SYNGR1: variants seen among roughly 807,000 people sequenced by gnomAD.
SYNGR1 encodes synaptogyrin-1.
In SYNGR1, 14 loss-of-function variants were observed where a neutral mutation model predicts 26.1. That is an observed-to-expected ratio of 0.54 (90% CI 0.35 to 0.84). The LOEUF is 0.84. Among genes scored for constraint, SYNGR1 ranks in the 40% least tolerant of loss-of-function variants. SYNGR1 has a pLI of 0.01. For missense variants in SYNGR1, 319 were observed against 332.9 expected, an observed-to-expected ratio of 0.96 and a Z score of 0.33; for synonymous variants, 141 against 150.1, an observed-to-expected ratio of 0.94 and a Z score of 0.44.
At chr22:39,351,682 T>C (rs1307744443) in intron 1 of SYNGR1, among the ~76,000 whole-genome samples, 2 of 152,230 alleles carry the variant, frequency 1.3e-5, no homozygotes, top group Non-Finnish European at 2.9e-5. Context: ...GCTTGGGTCA[T>C]TTCTGCCTCT....
chr22:39,378,394 T>C, intron 3 of SYNGR1: 1 of 983,128 alleles, frequency 1.0e-6, no homozygotes, highest in Non-Finnish European at 1.2e-6. Flanking sequence ...CATTCATTCA[T>C]TCATTCTTCT....
At chr22:39,377,727 AC>A in intron 3 of SYNGR1, 11 of 1,606,282 alleles carry the variant, frequency 6.8e-6, no homozygotes, top group Non-Finnish European at 9.3e-6. Context: ...GCCCTGTATC[AC>A]CCCTGGCAGT....
At chr22:39,356,266 G>A (rs1267113355) in intron 1 of SYNGR1, among the ~76,000 whole-genome samples, 2 of 152,060 alleles carry the variant, frequency 1.3e-5, no homozygotes, top group Admixed American at 1.3e-4. Flanking sequence ...TGTTGGCCAG[G>A]CTGGTCTCAA....
chr22:39,384,424 C>T lies in SYNGR1; in HGVS notation c.*2510C>T, dbSNP rs1022781924. On this transcript the variant is annotated 3_prime_UTR_variant, in exon 4 of 4. Coordinates refer to ENST00000328933, the MANE Select transcript of SYNGR1 (RefSeq NM_004711.5). ...CTCACGAAGAATCCCTCACTCTTCC[C>T]GGGTTCAGCCCAGAAGCCCTTCCAG... is the stretch of plus-strand genomic sequence containing the variant. 4.5e-5 allele frequency: 18 copies of T among 397,868 alleles called. No homozygotes were observed. The highest frequency in any genetic ancestry group is 3.2e-4 in the East Asian group (9 of 28,216). 24.6% of individuals were successfully genotyped at this position (397,868 alleles called of 1,614,324 possible).
intron 3 of SYNGR1, chr22:39,378,418 G>C: frequency 5.1e-6 from 5 of 983,552 alleles, no homozygotes; most frequent in Non-Finnish European, 6.0e-6. Flanking sequence ...CAGAGAGTCA[G>C]GGGCACCTCC....
At chr22:39,352,580 T>A (rs1227361292) in intron 1 of SYNGR1, among the ~76,000 whole-genome samples, 1 of 152,138 alleles carries the variant, frequency 6.6e-6, no homozygotes, top group Non-Finnish European at 1.5e-5. Flanking sequence ...CGAAACTGTG[T>A]GGCGTGCTGA....
intron 1 of SYNGR1, among the ~76,000 whole-genome samples, chr22:39,367,645 C>G (rs1227493249): frequency 6.6e-6 from 1 of 151,994 alleles, no homozygotes; most frequent in African/African-American, 2.4e-5. Flanking sequence ...CAACATGGCA[C>G]AACCCCGTCT....
In SYNGR1 at chr22:39,360,371, C is replaced by T. The variant is rs1020368454; in HGVS notation, c.99+10262C>T. ...CCTTCAGAAGAGTTGTCACCGTCTC[C>T]AGGGTTTCTTCTGCGGTCTCCCACA... On this transcript the variant is annotated intron_variant, in intron 1 of 3. Coordinates refer to ENST00000328933, the MANE Select transcript of SYNGR1 (RefSeq NM_004711.5). Among the ~76,000 whole-genome samples, 3 of 152,148 alleles carry T rather than the reference C, an allele frequency of 2.0e-5. No individual in the cohort carries two copies. In the East Asian group the frequency reaches 5.8e-4, roughly 29 times the overall value.
intron 1 of SYNGR1, among the ~76,000 whole-genome samples, chr22:39,362,793 C>T (rs574568848): frequency 1.9e-4 from 29 of 152,166 alleles, no homozygotes; most frequent in Admixed American, 7.9e-4. Context: ...CAGCCAAGGA[C>T]GCTCAGGAGG....
chr22:39,359,752 C>G (rs936298479), intron 1 of SYNGR1, among the ~76,000 whole-genome samples: 1 of 152,102 alleles, frequency 6.6e-6, no homozygotes, highest in African/African-American at 2.4e-5. Flanking sequence ...CCTTTCCACA[C>G]CTGGCCTCCT....
chr22:39,350,014 G>A lies in SYNGR1; in HGVS notation c.4G>A (p.Glu2Lys), dbSNP rs758717295. 4 of 1,330,216 alleles carry A rather than the reference G, an allele frequency of 3.0e-6. No individual in the cohort carries two copies. Among genetic ancestry groups the A allele is most frequent in the South Asian group, 3.3e-5 (2 of 61,312 alleles). 82.4% of individuals were successfully genotyped at this position (1,330,216 alleles called of 1,614,324 possible). The change falls in exon 1 of 4, where the codon GAA becomes AAA. Residue 2 changes from glutamate to lysine, a missense_variant. Transcript: ENST00000328933. This position sits in a 1 kb window ranked among gnomAD's most constrained non-coding sequence, Gnocchi z 4.3. M[E>K]GGAYGAGKAG... ...GCACCGCGCGGGTGCAGCCACGATG[G>A]AAGGGGGTGCGTACGGAGCGGGCAA...
rs930716268 is a variant in SYNGR1 at position 39,382,382 on chromosome 22, C to T, written c.*468C>T. 6.0e-5 allele frequency: 13 copies of T among 215,664 alleles called. No individual in the cohort carries two copies. Among genetic ancestry groups the T allele is most frequent in the Non-Finnish European group, 1.1e-4 (12 of 105,372 alleles). The allele number at this position is 215,664 out of a possible 1,614,324, so 13.4% of individuals were successfully genotyped here. A position where few individuals can be genotyped will look rare whatever the true frequency, so the allele number is the denominator to read the frequency against. ...CTTGGTCATAGGGTGAGTGTAAACACCCACAGGACACTGGGGGCTGTCACC... is the reference window on the plus strand; with the variant it reads ...CTTGGTCATAGGGTGAGTGTAAACATCCACAGGACACTGGGGGCTGTCACC... On this transcript the variant is annotated 3_prime_UTR_variant, in exon 4 of 4. Coordinates refer to ENST00000328933, the MANE Select transcript of SYNGR1 (RefSeq NM_004711.5).
chr22:39,374,598 G>C (rs1182789161), intron 2 of SYNGR1, 45 bp downstream of exon 2: 5 of 1,596,836 alleles, frequency 3.1e-6, no homozygotes, highest in Non-Finnish European at 3.4e-6. Context: ...GTCTACAGAG[G>C]GCTGTCCCGG....
chr22:39,365,444 G>C (rs114083185), intron 1 of SYNGR1, among the ~76,000 whole-genome samples: 5 of 152,190 alleles, frequency 3.3e-5, no homozygotes, highest in African/African-American at 9.7e-5. Flanking sequence ...TATTGAGCTG[G>C]TGGAGTGAAG....
chr22:39,368,499 C>T lies in SYNGR1; in HGVS notation c.100-5817C>T, dbSNP rs12167428. On this transcript the variant is annotated intron_variant, in intron 1 of 3. Transcript: ENST00000328933. ...ACCTGTGATGAATGCCTGACCGAGG[C>T]GGGTGTCTGCTGGGGCCATACGGCC... Among the ~76,000 whole-genome samples the T allele has an allele frequency of 5.4e-3, 828 of 152,326 alleles. 7 individuals carry two copies. Among genetic ancestry groups the T allele is most frequent in the African/African-American group, 0.019 (784 of 41,574 alleles).
chr22:39,363,321 A>G (rs1167879603), intron 1 of SYNGR1, among the ~76,000 whole-genome samples: 1 of 148,430 alleles, frequency 6.7e-6, no homozygotes, highest in East Asian at 2.0e-4. Flanking sequence ...GTTTAAGGGG[A>G]TTGTCTGGCT....
intron 1 of SYNGR1, among the ~76,000 whole-genome samples, chr22:39,358,303 T>G (rs557100978): frequency 1.6e-3 from 247 of 151,572 alleles, no homozygotes; most frequent in African/African-American, 5.8e-3. Flanking sequence ...CAGCGCCCTG[T>G]CAAAACAGGC....
At chr22:39,366,072 A>G in intron 1 of SYNGR1, among the ~76,000 whole-genome samples, 1 of 135,988 alleles carries the variant, frequency 7.4e-6, no homozygotes, top group Non-Finnish European at 1.5e-5. Context: ...ATCAGAGCTC[A>G]CTGCAACCTT....
chr22:39,377,940 T>G, intron 3 of SYNGR1: 1 of 1,321,470 alleles, frequency 7.6e-7, no homozygotes. Flanking sequence ...ATGAATTAGG[T>G]GGGGTCCTTG....
Sources: gnomAD v4.1 joint callset for allele counts (sites outside exome capture counted in the v4.1 genomes callset) on GRCh38, gnomAD v4.1.1 for gene constraint, Gnocchi (gnomAD v3.1) non-coding constraint, MANE v1.5 for transcripts, NCBI Gene and HGNC (gene_info 2026-07-23, HGNC 2026-07-21) for gene names.